The following KALRN variants were observed in gnomAD, a reference collection of about 807,000 sequenced individuals.
KALRN encodes kalirin RhoGEF kinase.
A neutral mutation model predicts 353.7 loss-of-function variants in KALRN; 70 were observed. That is an observed-to-expected ratio of 0.20 (90% CI 0.16 to 0.24). The LOEUF (loss-of-function observed/expected upper bound fraction) is 0.24, where lower values mean the gene tolerates loss of function less well. Ranked by LOEUF, KALRN falls within the 10% of genes least tolerant of loss-of-function variation. The pLI is 1.00. For missense variants in KALRN, 2,791 were observed against 3,756.7 expected, an observed-to-expected ratio of 0.74 and a Z score of 6.72; for synonymous variants, 1,391 against 1,434.8, an observed-to-expected ratio of 0.97 and a Z score of 0.69.
chr3:124,187,765 C>T (rs1025557140), intron 1 of KALRN, among the ~76,000 whole-genome samples: 43 of 152,216 alleles, frequency 2.8e-4, no homozygotes, highest in African/African-American at 1.0e-3. Flanking sequence ...GGGTAGATTT[C>T]TGTTGTAAGT....
intron 1 of KALRN, among the ~76,000 whole-genome samples, chr3:124,147,727 C>T (rs977350079): frequency 6.6e-6 from 1 of 152,150 alleles, no homozygotes; most frequent in Admixed American, 6.5e-5. Flanking sequence ...TTAAAAGAAG[C>T]ATCACTAGGC....
chr3:124,172,668 T>C (rs1270225756), intron 1 of KALRN, among the ~76,000 whole-genome samples: 26 of 151,874 alleles, frequency 1.7e-4, no homozygotes, highest in Admixed American at 1.7e-3. Flanking sequence ...CCCTGGAACA[T>C]AGAGAGTTCC....
At chr3:124,659,760 TAAG>T (rs1177091023) in intron 43 of KALRN, among the ~76,000 whole-genome samples, 5 of 151,484 alleles carry the variant, frequency 3.3e-5, no homozygotes, top group Non-Finnish European at 5.9e-5. Context: ...CTTTAAAAAA[TAAG>T]AAGAATATGA....
intron 5 of KALRN, among the ~76,000 whole-genome samples, chr3:124,277,391 A>G (rs144453217): frequency 1.7e-3 from 253 of 152,260 alleles, no homozygotes; most frequent in Non-Finnish European, 2.6e-3. Flanking sequence ...GACGGAGCTC[A>G]GGGCAAGGAA....
In KALRN at chr3:124,492,744, C is replaced by G; in HGVS notation, c.4694C>G (p.Ser1565Cys). Residue 1565 changes from serine to cysteine, a missense_variant, in exon 32 of 60, where the codon TCC becomes TGC. Coordinates refer to ENST00000682506, the MANE Select transcript of KALRN (RefSeq NM_001388419.1). The stretch of plus-strand genomic sequence containing the variant: ...TTTCTCCCTGTGGCACTCTAGGCCT[C>G]CAACATTGAAACCAAGCAGGAGTGG... ...SSDNKTVLKA[S>C]NIETKQEWIK... 1.2e-6 allele frequency: 2 copies of G among 1,613,790 alleles called. No homozygotes were observed. Among genetic ancestry groups the G allele is most frequent in the Middle Eastern group, 3.3e-4 (2 of 6,060 alleles).
intron 5 of KALRN, among the ~76,000 whole-genome samples, chr3:124,278,456 C>T (rs2074999046): frequency 1.0e-5 from 1 of 96,232 alleles, no homozygotes; most frequent in African/African-American, 3.7e-5. Flanking sequence ...AAGGACACTT[C>T]AGGTGTGTGT....
intron 6 of KALRN, among the ~76,000 whole-genome samples, chr3:124,310,328 G>C (rs142179908): frequency 1.3e-5 from 2 of 152,080 alleles, no homozygotes; most frequent in South Asian, 4.1e-4. Flanking sequence ...TGTTAGGATG[G>C]CAATACTCCT....
Position 124,633,992 on chromosome 3 carries a change from G to T in KALRN, c.5568+39G>T, listed in dbSNP as rs540186822. Reference sequence around the variant, plus strand: ...ACTTGCTCACTTAAAAGAGCAACGTGCCGTGCGTGATTTTGTTTTTTGTGT... The same window carrying T: ...ACTTGCTCACTTAAAAGAGCAACGTTCCGTGCGTGATTTTGTTTTTTGTGT... On this transcript the variant is annotated intron_variant, in intron 36 of 59. Coordinates refer to ENST00000682506, the MANE Select transcript of KALRN (RefSeq NM_001388419.1). 9 of 1,527,550 alleles carry T rather than the reference G, an allele frequency of 5.9e-6. No individual in the cohort carries two copies. The African/African-American group carries it at 1.2e-4, about 21-fold the overall frequency. 94.6% of individuals were successfully genotyped at this position (1,527,550 alleles called of 1,614,324 possible).
rs367667422 is a variant in KALRN, at chr3:124,413,567, G to A, written c.2444G>A (p.Arg815His). The A allele has an allele frequency of 8.7e-6, 14 of 1,614,112 alleles. No individual in the cohort carries two copies. Among genetic ancestry groups the A allele is most frequent in the African/African-American group, 4.0e-5 (3 of 75,040 alleles). Residue 815 changes from arginine (R) to histidine (H), a missense_variant, in exon 14 of 60, where the codon CGC becomes CAC. Around this residue, in one of 11 missense-constraint regions of KALRN, gnomAD observed 452 missense variants for 575.8 expected, o/e 0.78. Transcript: ENST00000682506. Reference protein sequence around the residue: ...DLTLAEQRLQRHTERKLAMNN... With the variant: ...DLTLAEQRLQHHTERKLAMNN... Reference sequence around the variant, plus strand: ...ACCCTGGCAGAACAGCGGCTGCAGCGCCACACAGAACGGAAGCTAGCCATG... The same window carrying A: ...ACCCTGGCAGAACAGCGGCTGCAGCACCACACAGAACGGAAGCTAGCCATG...
intron 1 of KALRN, among the ~76,000 whole-genome samples, chr3:124,122,060 C>G (rs2064087163): frequency 6.6e-6 from 1 of 152,192 alleles, no homozygotes; most frequent in Admixed American, 6.5e-5. Context: ...GGGCTTTGCA[C>G]TTGCCAAATG....
At chr3:124,070,165 T>A (rs140524202) in intron 1 of KALRN, among the ~76,000 whole-genome samples, 191 of 152,346 alleles carry the variant, frequency 1.3e-3, no homozygotes, top group African/African-American at 4.5e-3. Context: ...TCTGGGGACT[T>A]GCTCTCTAAC....
intron 9 of KALRN, among the ~76,000 whole-genome samples, chr3:124,337,927 G>A (rs1350684963): frequency 6.6e-6 from 1 of 152,134 alleles, no homozygotes; most frequent in Non-Finnish European, 1.5e-5. Flanking sequence ...TTTGCGTAGA[G>A]GTATTTATAG....
At chr3:124,129,239 G>A (rs1046304172) in intron 1 of KALRN, among the ~76,000 whole-genome samples, 5 of 152,224 alleles carry the variant, frequency 3.3e-5, no homozygotes, top group African/African-American at 1.2e-4. Flanking sequence ...ACTTAGATAG[G>A]CTTGTGCTGT....
chr3:124,129,989 T>C (rs923798327), intron 1 of KALRN, among the ~76,000 whole-genome samples: 2 of 152,204 alleles, frequency 1.3e-5, no homozygotes, highest in African/African-American at 4.8e-5. Context: ...TGTGTATTGT[T>C]TGATAACTGA....
At chr3:124,265,295 A>ATTTTTTTTTT (rs1465968614) in intron 4 of KALRN, among the ~76,000 whole-genome samples, 2 of 61,092 alleles carry the variant, frequency 3.3e-5, no homozygotes, top group African/African-American at 6.4e-5. Flanking sequence ...TTAAGAAAAT[A>ATTTTTTTTTT]TTCTTTTTTT....
intron 57 of KALRN, among the ~76,000 whole-genome samples, chr3:124,704,154 T>A (rs1338992005): frequency 1.3e-5 from 2 of 152,244 alleles, no homozygotes; most frequent in Non-Finnish European, 2.9e-5. Context: ...AAATAAGCTC[T>A]AGTAACTGAA....
At chr3:124,090,190 G>A (rs1409041019) in intron 1 of KALRN, among the ~76,000 whole-genome samples, 2 of 152,056 alleles carry the variant, frequency 1.3e-5, no homozygotes, top group African/African-American at 4.8e-5. Context: ...GGAACTAGAA[G>A]CCCCCAGAGA....
At chr3:124,547,517 G>T (rs2069841467) in intron 33 of KALRN, among the ~76,000 whole-genome samples, 1 of 151,968 alleles carries the variant, frequency 6.6e-6, no homozygotes, top group African/African-American at 2.4e-5. Flanking sequence ...TGTTGCCTGG[G>T]CTGGTCTTGA....
At chr3:124,631,192 C>G (rs76851232) in intron 34 of KALRN, among the ~76,000 whole-genome samples, 5,654 of 152,274 alleles carry the variant, frequency 0.037, 121 homozygotes, top group East Asian at 0.1. Flanking sequence ...CTGCTTCTGG[C>G]TTAGTCTTTG....
Sources: gnomAD v4.1 joint callset for allele counts (sites outside exome capture counted in the v4.1 genomes callset) on GRCh38, gnomAD v4.1.1 for gene constraint, gnomAD v4.1.1 regional missense constraint, MANE v1.5 for transcripts, NCBI Gene and HGNC (gene_info 2026-07-23, HGNC 2026-07-21) for gene names.